The following C2orf66 variants were observed in gnomAD, a reference collection of about 807,000 sequenced individuals.
The protein encoded by C2orf66 is uncharacterized protein C2orf66.
A neutral mutation model predicts 7.0 loss-of-function variants in C2orf66; 6 were observed. That is an observed-to-expected ratio of 0.86 (90% CI 0.47 to 1.69). C2orf66 has a LOEUF of 1.69. C2orf66 is among the 40% of genes most tolerant of loss of function. The probability of loss-of-function intolerance (pLI) is 0.01; values close to 1 mark genes in which losing one functional copy is unlikely to be tolerated. For synonymous variants in C2orf66, 38 were observed against 43.8 expected (o/e 0.87, Z 0.52); for missense variants, 107 against 112.0 (o/e 0.96, Z 0.20).
the C2orf66 span, among the ~76,000 whole-genome samples, chr2:196,831,169 C>T: frequency 1.6e-3 from 250 of 152,274 alleles, 1 homozygote; most frequent in Middle Eastern, 0.01. Context: ...GAGGGAGTCT[C>T]TTTGGCTCCC....
At chr2:196,826,078 C>T in the C2orf66 span, among the ~76,000 whole-genome samples, 2 of 152,098 alleles carry the variant, frequency 1.3e-5, no homozygotes, top group Non-Finnish European at 2.9e-5. Flanking sequence ...GTAATGGAAG[C>T]ACAAACCAAC....
chr2:196,809,930 G>T (rs1699859038), upstream of C2orf66: 1 of 152,218 alleles, frequency 6.6e-6, no homozygotes, highest in African/African-American at 2.4e-5. Flanking sequence ...GGTTTTGGTT[G>T]GTCCTCCTAG....
the C2orf66 span, among the ~76,000 whole-genome samples, chr2:196,816,020 C>T: frequency 6.6e-6 from 1 of 152,178 alleles, no homozygotes; most frequent in Non-Finnish European, 1.5e-5. Context: ...GCTTTCTGCT[C>T]ATAGCAATAA....
chr2:196,809,650 C>T (rs1699855581), upstream of C2orf66: 1 of 278,962 alleles, frequency 3.6e-6, no homozygotes. Flanking sequence ...AAAAAAAGTA[C>T]TTTGTTGTCT....
the C2orf66 span, among the ~76,000 whole-genome samples, chr2:196,829,625 C>T: frequency 4.0e-5 from 6 of 151,750 alleles, no homozygotes; most frequent in African/African-American, 1.4e-4. Context: ...GGGCCGGGTG[C>T]AGTGGCTCAC....
chr2:196,805,137 C>CT lies in C2orf66; in HGVS notation c.*290dup, dbSNP rs1282231005. 1 of 152,110 alleles carries CT rather than the reference C, an allele frequency of 6.6e-6. No individual in the cohort carries two copies. The highest frequency in any genetic ancestry group is 1.5e-5 in the Non-Finnish European group (1 of 68,022). The allele number at this position is 152,110 out of a possible 1,614,324, so 9.4% of individuals were successfully genotyped here. A position where few individuals can be genotyped will look rare whatever the true frequency, so the allele number is the denominator to read the frequency against. Reference sequence around the variant, plus strand: ...AGAAACATCTAATTTAGATTATAATCTTTTTTCAGTTTGTGATGTTTTTGT... The same window carrying CT: ...AGAAACATCTAATTTAGATTATAATCTTTTTTTCAGTTTGTGATGTTTTTGT... On this transcript the variant is annotated 3_prime_UTR_variant, in exon 3 of 3. Transcript: ENST00000342506.
chr2:196,815,289 C>G, the C2orf66 span, among the ~76,000 whole-genome samples: 4 of 151,978 alleles, frequency 2.6e-5, no homozygotes, highest in Admixed American at 6.6e-5. Flanking sequence ...TTTTAAATTT[C>G]TTTTTTAAAG....
chr2:196,809,548 T>A, upstream of C2orf66: 1 of 565,286 alleles, frequency 1.8e-6, no homozygotes, highest in Non-Finnish European at 3.1e-6. Flanking sequence ...TAGCTTAAAG[T>A]AGCCCATGAT....
At chr2:196,813,563 C>A (rs1699896079), upstream of C2orf66, among the ~76,000 whole-genome samples, 1 of 152,142 alleles carries the variant, frequency 6.6e-6, no homozygotes, top group Admixed American at 6.6e-5. Flanking sequence ...GCAACAAAAG[C>A]CAAAATTGGC....
Position 196,807,519 on chromosome 2 carries a change from T to A in C2orf66, c.227A>T (p.Gln76Leu), listed in dbSNP as rs1354095925. 3 of 1,613,700 alleles carry A rather than the reference T, an allele frequency of 1.9e-6. No homozygotes were observed. Among genetic ancestry groups the A allele is most frequent in the Non-Finnish European group, 1.7e-6 (2 of 1,179,698 alleles). ...AGATGCAGAAGCAGTAAGTTCTGAC[T>A]GGAAAGAGAGAGGTCTAGGATTTTC... ...TNENPRPLSF[Q>L]SELTASASAD... is the part of the protein sequence containing the mutation. Residue 76 changes from glutamine (Q) to leucine (L), a missense_variant, in exon 2 of 3, where the codon CAG becomes CTG. By Grantham distance (113) the Gln-to-Leu change is moderately radical (BLOSUM62 -2). Transcript: ENST00000342506.
chr2:196,822,078 C>A, the C2orf66 span, among the ~76,000 whole-genome samples: 3 of 151,644 alleles, frequency 2.0e-5, no homozygotes, highest in South Asian at 4.2e-4. Context: ...CCATGCCCAG[C>A]TAATTTTTGT....
the C2orf66 span, among the ~76,000 whole-genome samples, chr2:196,829,684 T>G: frequency 3.3e-5 from 5 of 150,834 alleles, no homozygotes; most frequent in Admixed American, 3.3e-4. Context: ...GATCACGAGG[T>G]CTGGAGATAA....
upstream of C2orf66, among the ~76,000 whole-genome samples, chr2:196,811,718 A>G (rs894723377): frequency 4.6e-5 from 7 of 152,212 alleles, no homozygotes; most frequent in Admixed American, 2.6e-4. Flanking sequence ...CTGGAGCTCA[A>G]AGGAGAAATC....
At chr2:196,828,887 AGATGG>A in the C2orf66 span, among the ~76,000 whole-genome samples, 1 of 152,210 alleles carries the variant, frequency 6.6e-6, no homozygotes, top group Non-Finnish European at 1.5e-5. Context: ...AATGAGCCTC[AGATGG>A]GACAGCAACC....
At chr2:196,819,412 A>G in the C2orf66 span, among the ~76,000 whole-genome samples, 8 of 152,200 alleles carry the variant, frequency 5.3e-5, no homozygotes, top group Non-Finnish European at 1.0e-4. Context: ...ACGTAAGGAT[A>G]CAGGGAGAAG....
In C2orf66 at chr2:196,807,551, G is replaced by A; in HGVS notation, c.195C>T (p.Pro65=). The part of the protein sequence containing the change: ...LDLGTFPNPF[P]TNENPRPLSF... ...AGAGAGGTCTAGGATTTTCATTCGT[G>A]GGGAAAGGATTTGGAAATGTTCCAA... The change falls in exon 2 of 3, where the codon CCC becomes CCT. Residue 65 remains proline, a synonymous_variant. Coordinates refer to ENST00000342506, the MANE Select transcript of C2orf66 (RefSeq NM_213608.3). The A allele has an allele frequency of 2.5e-6, 4 of 1,613,576 alleles. No homozygotes were observed. The highest frequency in any genetic ancestry group is 2.5e-6 in the Non-Finnish European group (3 of 1,179,638).
the C2orf66 span, among the ~76,000 whole-genome samples, chr2:196,829,828 C>T: frequency 6.6e-5 from 10 of 151,476 alleles, no homozygotes; most frequent in Admixed American, 5.9e-4. Context: ...ACCCGGGAAG[C>T]GGAGCTTTCA....
chr2:196,831,173 G>A, the C2orf66 span, among the ~76,000 whole-genome samples: 1 of 152,228 alleles, frequency 6.6e-6, no homozygotes, highest in Middle Eastern at 3.4e-3. Flanking sequence ...GAGTCTCTTT[G>A]GCTCCCTCTT....
chr2:196,830,613 T>C, the C2orf66 span, among the ~76,000 whole-genome samples: 1 of 152,226 alleles, frequency 6.6e-6, no homozygotes, highest in Non-Finnish European at 1.5e-5. Flanking sequence ...AAGCCAATTT[T>C]TCCTTGTCCC....
Sources: gnomAD v4.1 joint callset for allele counts (sites outside exome capture counted in the v4.1 genomes callset) on GRCh38, gnomAD v4.1.1 for gene constraint, MANE v1.5 for transcripts, NCBI Gene and HGNC (gene_info 2026-07-23, HGNC 2026-07-21) for gene names.